Variants in MICU1 observed in about 807,000 individuals in gnomAD.
MICU1 encodes calcium uptake protein 1, mitochondrial.
MICU1 carries 45 observed loss-of-function variants against 56.8 expected under a neutral mutation model. The observed-to-expected ratio is 0.79, with a 90% CI of 0.62 to 1.02. MICU1 has a LOEUF of 1.02. Among genes scored for constraint, MICU1 ranks in the 50% least tolerant of loss-of-function variants. MICU1 has a pLI of 0.00. For missense variants in MICU1, 504 were observed against 587.1 expected (o/e 0.86, Z 1.46); for synonymous variants, 186 against 195.1 (o/e 0.95, Z 0.39).
intron 8 of MICU1, among the ~76,000 whole-genome samples, chr10:72,448,165 A>ATGTGTG (rs71018288): frequency 0.42 from 34,967 of 83,758 alleles, 9,304 homozygotes; most frequent in Non-Finnish European, 0.58. Context: ...GTGTGTGTAT[A>ATGTGTG]TGTGTGTGTA....
chr10:72,587,232 G>A (rs1211544154), intron 1 of MICU1, among the ~76,000 whole-genome samples: 1 of 152,056 alleles, frequency 6.6e-6, no homozygotes, highest in South Asian at 2.1e-4. Context: ...CAGTGCCTTG[G>A]GAGACTGAGG....
At chr10:72,576,919 A>T (rs1840761797) in intron 1 of MICU1, among the ~76,000 whole-genome samples, 1 of 152,358 alleles carries the variant, frequency 6.6e-6, no homozygotes, top group Admixed American at 6.5e-5. Context: ...TGCAAAAAAA[A>T]TATGGAACTG....
chr10:72,393,446 GA>G (rs1375178554), intron 10 of MICU1, among the ~76,000 whole-genome samples: 1 of 152,180 alleles, frequency 6.6e-6, no homozygotes, highest in Non-Finnish European at 1.5e-5. Flanking sequence ...GCTTGAGGTA[GA>G]AACAACCGAT....
At chr10:72,587,671 C>A in intron 1 of MICU1, among the ~76,000 whole-genome samples, 1 of 151,956 alleles carries the variant, frequency 6.6e-6, no homozygotes, top group Non-Finnish European at 1.5e-5. Context: ...GTAATCCTAG[C>A]TACCTGGGTG....
intron 9 of MICU1, among the ~76,000 whole-genome samples, chr10:72,409,725 A>C (rs1370341320): frequency 6.6e-6 from 1 of 152,142 alleles, no homozygotes; most frequent in African/African-American, 2.4e-5. Context: ...CTGTATGATT[A>C]TATCACATGA....
intron 10 of MICU1, among the ~76,000 whole-genome samples, chr10:72,378,585 A>C (rs570255656): frequency 1.4e-4 from 21 of 152,266 alleles, no homozygotes; most frequent in Non-Finnish European, 5.9e-5. Flanking sequence ...TTTATAAATT[A>C]CCCAGTCTCA....
intron 5 of MICU1, among the ~76,000 whole-genome samples, chr10:72,512,107 G>GTTTTTTTTTTTTTTTTTTTTTTTTTT (rs869183579): frequency 3.4e-5 from 1 of 29,506 alleles, no homozygotes; most frequent in African/African-American, 9.3e-5. Context: ...GTTGTTTTTT[G>GTTTTTTTTTTTTTTTTTTTTTTTTTT]TTTTTTTTTT....
chr10:72,457,922 A>C lies in MICU1; in HGVS notation c.933+17178T>G, dbSNP rs145799574. ...AGTGGCTCATGCTTGTAATCCCAGC[A>C]CTTTGGGAAGCCGAGGCGGGTGGAT... On this transcript the variant is annotated intron_variant, in intron 8 of 11. Transcript: ENST00000361114. Among the ~76,000 whole-genome samples the C allele has an allele frequency of 7.8e-4, 119 of 152,296 alleles. 1 individual carries two copies. The East Asian group carries it at 0.02, about 25-fold the overall frequency.
intron 8 of MICU1, among the ~76,000 whole-genome samples, chr10:72,434,169 T>G (rs1406485217): frequency 6.6e-6 from 1 of 152,146 alleles, no homozygotes; most frequent in African/African-American, 2.4e-5. Context: ...CCATCTTCCT[T>G]ACTTAGAAAA....
intron 9 of MICU1, among the ~76,000 whole-genome samples, chr10:72,408,861 G>A (rs1322656736): frequency 2.6e-5 from 4 of 152,148 alleles, no homozygotes; most frequent in African/African-American, 7.2e-5. Flanking sequence ...TGGGGAAGCC[G>A]TTCATTATCT....
At chr10:72,616,010 CA>C (rs1019998017) in intron 1 of MICU1, among the ~76,000 whole-genome samples, 3 of 150,410 alleles carry the variant, frequency 2.0e-5, no homozygotes, top group Non-Finnish European at 4.4e-5. Context: ...AAACAAAAAA[CA>C]AAAAAAAACA....
chr10:72,471,592 T>TA (rs397734092), intron 8 of MICU1, among the ~76,000 whole-genome samples: 5 of 152,200 alleles, frequency 3.3e-5, no homozygotes, highest in Middle Eastern at 3.4e-3. Flanking sequence ...TTGTTTTTTT[T>TA]AAATTTCTTT....
intron 5 of MICU1, among the ~76,000 whole-genome samples, chr10:72,510,387 C>T (rs892038632): frequency 6.6e-6 from 1 of 152,016 alleles, no homozygotes; most frequent in African/African-American, 2.4e-5. Context: ...TTCAACATGC[C>T]ACTTTGAAAG....
chr10:72,407,448 G>C (rs1863667392), intron 10 of MICU1, among the ~76,000 whole-genome samples: 1 of 152,152 alleles, frequency 6.6e-6, no homozygotes, highest in African/African-American at 2.4e-5. Flanking sequence ...CACGTTGCTT[G>C]TACAAACTGT....
chr10:72,465,092 C>T lies in MICU1; in HGVS notation c.933+10008G>A, dbSNP rs1185984777. ...CTTGGCTCCCCGCAACCTCCACCTCCTGGGTTCAAATGATTCTCATGCCTC... is the reference window on the plus strand; with the variant it reads ...CTTGGCTCCCCGCAACCTCCACCTCTTGGGTTCAAATGATTCTCATGCCTC... On this transcript the variant is annotated intron_variant, in intron 8 of 11. Coordinates refer to ENST00000361114, the MANE Select transcript of MICU1 (RefSeq NM_001195518.2). 2.0e-5 allele frequency among the ~76,000 whole-genome samples: 3 copies of T among 152,122 alleles called. No individual in the cohort carries two copies. The East Asian group carries it at 5.8e-4, about 29-fold the overall frequency.
At chr10:72,382,899 C>A (rs1405407120) in intron 10 of MICU1, among the ~76,000 whole-genome samples, 1 of 151,962 alleles carries the variant, frequency 6.6e-6, no homozygotes, top group Non-Finnish European at 1.5e-5. Context: ...ACAGAGCAAG[C>A]CTCCGTCCAA....
chr10:72,400,468 G>C (rs6480622), intron 10 of MICU1, among the ~76,000 whole-genome samples: 1 of 152,036 alleles, frequency 6.6e-6, no homozygotes, highest in Non-Finnish European at 1.5e-5. Context: ...ATGACTGGCC[G>C]GGCGTGGTGG....
chr10:72,458,273 ACT>A (rs1865536046), intron 8 of MICU1, among the ~76,000 whole-genome samples: 1 of 152,148 alleles, frequency 6.6e-6, no homozygotes, highest in Admixed American at 6.6e-5. Context: ...TGACTGCAAC[ACT>A]CTGTATTAAT....
intron 5 of MICU1, among the ~76,000 whole-genome samples, chr10:72,524,996 A>AC (rs1006050414): frequency 2.0e-5 from 3 of 152,204 alleles, no homozygotes; most frequent in African/African-American, 7.2e-5. Context: ...ACTTCATGGC[A>AC]AATAGTTGCT....
Sources: gnomAD v4.1 joint callset for allele counts (sites outside exome capture counted in the v4.1 genomes callset) on GRCh38, gnomAD v4.1.1 for gene constraint, MANE v1.5 for transcripts, NCBI Gene and HGNC (gene_info 2026-07-23, HGNC 2026-07-21) for gene names.